HIGD1C: variants seen among roughly 807,000 people sequenced by gnomAD.
The protein encoded by HIGD1C is HIG1 domain family member 1C.
Under a neutral mutation model 13.1 loss-of-function variants are expected in HIGD1C, and 11 were observed. The ratio of observed to expected loss-of-function variants is 0.84; its 90% CI spans 0.53 to 1.39. The LOEUF (loss-of-function observed/expected upper bound fraction) is 1.39. HIGD1C is among the 40% of genes most tolerant of loss of function. The probability of loss-of-function intolerance (pLI) is 0.00; values close to 1 mark genes in which losing one functional copy is unlikely to be tolerated. For missense variants in HIGD1C, 110 were observed against 112.0 expected, an observed-to-expected ratio of 0.98 and a Z score of 0.08; for synonymous variants, 36 against 37.7, an observed-to-expected ratio of 0.95 and a Z score of 0.17.
At chr12:50,965,922 T>C (rs1592267821) in intron 2 of HIGD1C, among the ~76,000 whole-genome samples, 1 of 152,352 alleles carries the variant, frequency 6.6e-6, no homozygotes, top group East Asian at 1.9e-4. Context: ...TTCTAGGAAT[T>C]GGTCAAGGAG....
At chr12:50,943,896 T>C in the HIGD1C span, among the ~76,000 whole-genome samples, 1 of 152,130 alleles carries the variant, frequency 6.6e-6, no homozygotes, top group African/African-American at 2.4e-5. Context: ...TAGCACTCAA[T>C]TAATCTTTGT....
Position 50,959,122 on chromosome 12 carries a change from TTTTA to T in HIGD1C, c.95-1842_95-1839del, listed in dbSNP as rs556711929. Among the ~76,000 whole-genome samples, 11 of 152,266 alleles carry T rather than the reference TTTTA, an allele frequency of 7.2e-5. No homozygotes were observed. In the East Asian group the frequency reaches 2.1e-3, roughly 29 times the overall value. ...TCTATTACATCTACCATATCCTCTT[TTTTA>T]TTTTTTTCCTGAGACGGAGTTTTGC... On this transcript the variant is annotated intron_variant, in intron 1 of 2. Transcript: ENST00000398455.
chr12:50,952,059 A>ATTTT (rs141699945), upstream of HIGD1C, among the ~76,000 whole-genome samples: 294 of 136,706 alleles, frequency 2.2e-3, 2 homozygotes, highest in East Asian at 0.018. Flanking sequence ...TAGACCAGAA[A>ATTTT]TTTTTTTTTT....
intron 2 of HIGD1C, among the ~76,000 whole-genome samples, chr12:50,967,680 G>A (rs7138860): frequency 0.13 from 19,359 of 152,098 alleles, 2,260 homozygotes; most frequent in African/African-American, 0.31. Context: ...AAATCTAAAC[G>A]GATCAGAGAA....
chr12:50,954,062 A>C, exon 1 of HIGD1C: 3 of 1,612,502 alleles, frequency 1.9e-6, no homozygotes, highest in Non-Finnish European at 2.5e-6. Context: ...ACTAATCAGG[A>C]AATCTAGAGA....
chr12:50,961,459 C>A (rs73090661), intron 2 of HIGD1C, among the ~76,000 whole-genome samples: 1 of 151,978 alleles, frequency 6.6e-6, no homozygotes, highest in African/African-American at 2.4e-5. Context: ...GAGCAGCGAT[C>A]GTATTTCCCA....
intron 1 of HIGD1C, among the ~76,000 whole-genome samples, chr12:50,956,367 G>A (rs528542385): frequency 6.6e-6 from 1 of 152,110 alleles, no homozygotes; most frequent in African/African-American, 2.4e-5. Flanking sequence ...ACTCCAGCCT[G>A]GGCAACAGAG....
intron 1 of HIGD1C, among the ~76,000 whole-genome samples, chr12:50,958,630 C>G (rs1309529844): frequency 6.6e-6 from 1 of 151,964 alleles, no homozygotes; most frequent in African/African-American, 2.4e-5. Flanking sequence ...ATCACTCTGG[C>G]TGATATTAAG....
At chr12:50,950,834 G>A (rs1223267562), upstream of HIGD1C, among the ~76,000 whole-genome samples, 1 of 151,580 alleles carries the variant, frequency 6.6e-6, no homozygotes, top group Non-Finnish European at 1.5e-5. Flanking sequence ...CTGCCACCAC[G>A]CCCAGCTAAT....
the HIGD1C span, chr12:50,931,711 CAAAAAAAAAAAAAAA>C: frequency 4.6e-5 from 2 of 43,380 alleles, no homozygotes; most frequent in African/African-American, 1.6e-4. Context: ...GACTCCGTCT[CAAAAAAAAAAAAAAA>C]AAAAAAAAGA....
At chr12:50,960,184 TC>T (rs2139804569) in intron 1 of HIGD1C, among the ~76,000 whole-genome samples, 2 of 152,358 alleles carry the variant, frequency 1.3e-5, no homozygotes, top group South Asian at 4.1e-4. Flanking sequence ...GAGTTATGCT[TC>T]TTGTGCATAT....
At chr12:50,943,688 T>C in the HIGD1C span, among the ~76,000 whole-genome samples, 34,997 of 150,728 alleles carry the variant, frequency 0.23, 4,842 homozygotes, top group East Asian at 0.5. Flanking sequence ...CCAGCCTGGG[T>C]GACAGCGAGA....
At chr12:50,948,641 G>A in the HIGD1C span, among the ~76,000 whole-genome samples, 1 of 150,812 alleles carries the variant, frequency 6.6e-6, no homozygotes, top group Non-Finnish European at 1.5e-5. Context: ...AGGCCGAGGA[G>A]GGTGGATCAT....
chr12:50,954,212 C>T, intron 1 of HIGD1C, 120 bp downstream of exon 3: 1 of 618,624 alleles, frequency 1.6e-6, no homozygotes, highest in East Asian at 2.7e-5. Flanking sequence ...TGAAGCTAAC[C>T]TCCTCTAAGC....
chr12:50,944,639 C>A, the HIGD1C span, among the ~76,000 whole-genome samples: 1 of 152,216 alleles, frequency 6.6e-6, no homozygotes, highest in Non-Finnish European at 1.5e-5. Context: ...GTAATCCCAG[C>A]ACTTTGGGAA....
At chr12:50,941,124 C>T in the HIGD1C span, among the ~76,000 whole-genome samples, 1 of 152,138 alleles carries the variant, frequency 6.6e-6, no homozygotes, top group South Asian at 2.1e-4. Flanking sequence ...CTTGGGCTTC[C>T]CAAAGTGCTG....
the HIGD1C span, among the ~76,000 whole-genome samples, chr12:50,942,935 G>T: frequency 6.7e-6 from 1 of 148,770 alleles, no homozygotes; most frequent in Non-Finnish European, 1.5e-5. Context: ...GCATGATCTC[G>T]GCTCACTGCA....
chr12:50,945,890 C>T, the HIGD1C span, among the ~76,000 whole-genome samples: 5 of 151,916 alleles, frequency 3.3e-5, no homozygotes, highest in African/African-American at 7.3e-5. Flanking sequence ...GAGATATAGA[C>T]CAATGGAACA....
upstream of HIGD1C, among the ~76,000 whole-genome samples, chr12:50,952,901 G>A (rs1162654125): frequency 6.6e-6 from 1 of 152,176 alleles, no homozygotes; most frequent in Non-Finnish European, 1.5e-5. Flanking sequence ...TTGGGCCCAG[G>A]AGTCAGGTAC....
Sources: allele counts gnomAD v4.1 joint callset (sites outside exome capture counted in the v4.1 genomes callset), GRCh38; gene constraint gnomAD v4.1.1; transcripts MANE v1.5; gene names NCBI Gene and HGNC (gene_info 2026-07-23, HGNC 2026-07-21).